Variants in STXBP4 observed in about 807,000 individuals in gnomAD.
STXBP4 encodes syntaxin-binding protein 4.
STXBP4 carries 55 observed loss-of-function variants against 76.1 expected under a neutral mutation model. The ratio of observed to expected loss-of-function variants is 0.72; its 90% CI spans 0.58 to 0.91. The LOEUF is 0.91. STXBP4 is among the 40% of genes least tolerant of loss of function. STXBP4 has a pLI of 0.00. For missense variants in STXBP4, 618 were observed against 636.9 expected (o/e 0.97, Z 0.32); for synonymous variants, 201 against 220.2 (o/e 0.91, Z 0.77).
intron 16 of STXBP4, among the ~76,000 whole-genome samples, chr17:55,108,561 G>T (rs2079666217): frequency 6.6e-6 from 1 of 152,212 alleles, no homozygotes; most frequent in African/African-American, 2.4e-5. Flanking sequence ...TAATCTCCTG[G>T]TCTGTGGGTT....
At chr17:55,004,631 G>A (rs1162940857) in intron 7 of STXBP4, among the ~76,000 whole-genome samples, 2 of 151,922 alleles carry the variant, frequency 1.3e-5, no homozygotes, top group Non-Finnish European at 2.9e-5. Flanking sequence ...AGCCCAGGAG[G>A]TCGAGGTTGC....
At chr17:55,200,203 G>A in the STXBP4 span, among the ~76,000 whole-genome samples, 5 of 152,138 alleles carry the variant, frequency 3.3e-5, no homozygotes, top group African/African-American at 1.2e-4. Flanking sequence ...CCACTGCTTA[G>A]CACAGTGCTT....
chr17:55,095,986 TTGA>T (rs1221810064), intron 16 of STXBP4, among the ~76,000 whole-genome samples: 1 of 152,164 alleles, frequency 6.6e-6, no homozygotes, highest in Non-Finnish European at 1.5e-5. Context: ...TGTGTTATAA[TTGA>T]TGGCACCTTA....
chr17:54,999,970 AT>A (rs1228368831), intron 6 of STXBP4, 128 bp downstream of exon 6: 17 of 806,076 alleles, frequency 2.1e-5, no homozygotes, highest in Non-Finnish European at 3.0e-5. Flanking sequence ...TCTTTGAAAG[AT>A]TTTTTTCTAT....
At chr17:55,059,334 T>C (rs1233814003) in intron 12 of STXBP4, among the ~76,000 whole-genome samples, 1 of 152,166 alleles carries the variant, frequency 6.6e-6, no homozygotes, top group East Asian at 1.9e-4. Context: ...ATCAGTTACG[T>C]GTTTATGTAT....
chr17:55,202,095 G>GACAC, the STXBP4 span, among the ~76,000 whole-genome samples: 1,042 of 149,306 alleles, frequency 7.0e-3, 11 homozygotes, highest in African/African-American at 0.021. Flanking sequence ...GTAGATATGG[G>GACAC]ACACACACAC....
chr17:55,012,521 C>T (rs1426997156), intron 8 of STXBP4, among the ~76,000 whole-genome samples: 1 of 152,130 alleles, frequency 6.6e-6, no homozygotes, highest in Non-Finnish European at 1.5e-5. Flanking sequence ...GTAATAATCT[C>T]CTAATGGCTT....
intron 8 of STXBP4, among the ~76,000 whole-genome samples, chr17:55,021,860 C>T (rs1186734551): frequency 6.6e-6 from 1 of 152,102 alleles, no homozygotes; most frequent in Non-Finnish European, 1.5e-5. Context: ...AATAGTTTCA[C>T]AATATGTATC....
At chr17:55,138,335 A>C (rs2080058182) in intron 16 of STXBP4, among the ~76,000 whole-genome samples, 1 of 152,140 alleles carries the variant, frequency 6.6e-6, no homozygotes, top group Admixed American at 6.5e-5. Flanking sequence ...AAAATATTTG[A>C]TACATAAATA....
In STXBP4 at chr17:55,094,056, GT is replaced by G. The variant is rs754514872; in HGVS notation, c.1489+12874del. The stretch of plus-strand genomic sequence containing the variant: ...TGACAAATAAGTCTTCTTTGAAGAG[GT>G]AACATTGCATCCCAGACTCAGCCAG... On this transcript the variant is annotated intron_variant, in intron 16 of 17. Transcript: ENST00000376352. Among the ~76,000 whole-genome samples, 3 of 151,356 alleles carry G rather than the reference GT, an allele frequency of 2.0e-5. No individual in the cohort carries two copies. The East Asian group carries it at 5.9e-4, about 30-fold the overall frequency.
intron 11 of STXBP4, chr17:55,043,693 T>C: frequency 1.3e-6 from 2 of 1,536,510 alleles, no homozygotes; most frequent in South Asian, 2.4e-5. Flanking sequence ...GGAAATACAT[T>C]TTTTTTCATG....
intron 12 of STXBP4, among the ~76,000 whole-genome samples, chr17:55,056,962 C>T (rs1263822174): frequency 6.6e-6 from 1 of 152,142 alleles, no homozygotes; most frequent in Non-Finnish European, 1.5e-5. Context: ...ATTTATGTAA[C>T]ACTATCAATA....
chr17:55,014,633 C>A (rs554727686), intron 8 of STXBP4, among the ~76,000 whole-genome samples: 81 of 152,148 alleles, frequency 5.3e-4, no homozygotes, highest in Middle Eastern at 3.4e-3. Flanking sequence ...CATGGGCTGG[C>A]ACTTCCCTGG....
chr17:55,013,917 T>G (rs1197896477), intron 8 of STXBP4, among the ~76,000 whole-genome samples: 2 of 152,066 alleles, frequency 1.3e-5, no homozygotes, highest in Non-Finnish European at 2.9e-5. Context: ...ATCCTTAAGG[T>G]CCAGGACTGT....
In STXBP4 at chr17:55,161,772, C is replaced by T. The variant is rs564687350; in HGVS notation, c.*1861C>T. The T allele has an allele frequency of 6.6e-6, 1 of 152,280 alleles. No homozygotes were observed. Among genetic ancestry groups the T allele is most frequent in the South Asian group, 2.1e-4 (1 of 4,816 alleles). The allele number at this position is 152,280 out of a possible 1,614,324, so 9.4% of individuals were successfully genotyped here. ...TTTGCATATATTTATTTATGATCTTCTTAAAACCATTCCATGAAATAGGAA... is the reference window on the plus strand; with the variant it reads ...TTTGCATATATTTATTTATGATCTTTTTAAAACCATTCCATGAAATAGGAA... On this transcript the variant is annotated 3_prime_UTR_variant, in exon 18 of 18. Transcript: ENST00000376352.
rs139728180 is a variant in STXBP4 at position 54,999,361 on chromosome 17, C to T, written c.197C>T (p.Pro66Leu). ...TTTTGTTAGGATGGTCGTTTGAAGC[C>T]AGGAGATCAACTTGTCTCAGTCAAC... ...GDCYKDGRLKPGDQLVSVNKE... is the reference protein window; with the variant it reads ...GDCYKDGRLKLGDQLVSVNKE... The change falls in exon 5 of 18, where the codon CCA becomes CTA. Residue 66 changes from proline to leucine, a missense_variant. Pro to Leu is a moderately conservative substitution (Grantham distance 98). Coordinates refer to ENST00000376352, the MANE Select transcript of STXBP4 (RefSeq NM_178509.6). 93 of 1,610,712 alleles carry T rather than the reference C, an allele frequency of 5.8e-5. No homozygotes were observed. The African/African-American group carries it at 1.2e-3, about 20-fold the overall frequency.
intron 16 of STXBP4, among the ~76,000 whole-genome samples, chr17:55,136,135 G>A (rs1215813218): frequency 6.6e-6 from 1 of 152,100 alleles, no homozygotes. Context: ...AAACTACCTA[G>A]AAGAATGTCA....
At chr17:55,104,145 C>G (rs750493752) in intron 16 of STXBP4, among the ~76,000 whole-genome samples, 6 of 152,110 alleles carry the variant, frequency 3.9e-5, no homozygotes, top group Non-Finnish European at 7.4e-5. Flanking sequence ...TTTTCCTAGC[C>G]AGAATTTCCA....
At chr17:55,193,450 A>T in the STXBP4 span, among the ~76,000 whole-genome samples, 1 of 152,152 alleles carries the variant, frequency 6.6e-6, no homozygotes, top group Non-Finnish European at 1.5e-5. Context: ...ATCAATTCTC[A>T]TCATGGTTTG....
Sources: gnomAD v4.1 joint callset for allele counts (sites outside exome capture counted in the v4.1 genomes callset) on GRCh38, gnomAD v4.1.1 for gene constraint, MANE v1.5 for transcripts, NCBI Gene and HGNC (gene_info 2026-07-23, HGNC 2026-07-21) for gene names.